The following SORBS2 variants were observed in gnomAD, a reference collection of about 807,000 sequenced individuals.
The protein encoded by SORBS2 is sorbin and SH3 domain-containing protein 2.
SORBS2 carries 46 observed loss-of-function variants against 97.7 expected under a neutral mutation model. The ratio of observed to expected loss-of-function variants is 0.47; its 90% confidence interval spans 0.37 to 0.60. The LOEUF is 0.60. Among genes scored for constraint, SORBS2 ranks in the 20% least tolerant of loss-of-function variants. The pLI, the probability that SORBS2 is intolerant of heterozygous loss-of-function variation, is 0.00. For missense variants in SORBS2, 1,316 were observed against 1,282.3 expected, an observed-to-expected ratio of 1.03 and a Z score of -0.40; for synonymous variants, 476 against 473.4, an observed-to-expected ratio of 1.01 and a Z score of -0.07.
At chr4:185,875,001 G>A (rs1260875530) in intron 1 of SORBS2, among the ~76,000 whole-genome samples, 14 of 152,016 alleles carry the variant, frequency 9.2e-5, no homozygotes, top group Admixed American at 2.6e-4. Flanking sequence ...CCTCATGAAA[G>A]TATAGGGGTG....
At chr4:185,792,756 A>C (rs1325301422) in intron 1 of SORBS2, among the ~76,000 whole-genome samples, 4 of 152,198 alleles carry the variant, frequency 2.6e-5, no homozygotes, top group Non-Finnish European at 4.4e-5. Flanking sequence ...GCCCATGAGC[A>C]AAAAATACAG....
At chr4:185,783,522 G>A (rs1328867824) in intron 1 of SORBS2, among the ~76,000 whole-genome samples, 1 of 152,200 alleles carries the variant, frequency 6.6e-6, no homozygotes, top group African/African-American at 2.4e-5. Flanking sequence ...TTATAGAGAA[G>A]TCTGGAAGGG....
intron 2 of SORBS2, among the ~76,000 whole-genome samples, chr4:185,651,014 T>C (rs1581831482): frequency 1.3e-5 from 2 of 151,900 alleles, no homozygotes; most frequent in Admixed American, 6.6e-5. Flanking sequence ...CCAAGTGAGG[T>C]TGCAGCTGCT....
intron 12 of SORBS2, among the ~76,000 whole-genome samples, chr4:185,605,084 TTATC>T (rs2096375572): frequency 6.6e-6 from 1 of 152,312 alleles, no homozygotes; most frequent in East Asian, 1.9e-4. Context: ...TTGCAATGAA[TTATC>T]TATCTGTTAT....
chr4:185,682,578 C>T (rs143748883), intron 2 of SORBS2, among the ~76,000 whole-genome samples: 2 of 152,196 alleles, frequency 1.3e-5, no homozygotes, highest in South Asian at 2.1e-4. Flanking sequence ...TTAACAATAT[C>T]GAAGGCAATA....
At chr4:185,770,142 G>T (rs532810715) in intron 2 of SORBS2, among the ~76,000 whole-genome samples, 14 of 150,106 alleles carry the variant, frequency 9.3e-5, no homozygotes, top group African/African-American at 3.4e-4. Flanking sequence ...GCAGTGGCAC[G>T]ATCTCGGCTC....
At chr4:185,843,051 A>G (rs971624507) in intron 1 of SORBS2, among the ~76,000 whole-genome samples, 1 of 152,158 alleles carries the variant, frequency 6.6e-6, no homozygotes, top group Non-Finnish European at 1.5e-5. Context: ...GAGTCCGTAC[A>G]TGGGTGACAC....
intron 1 of SORBS2, among the ~76,000 whole-genome samples, chr4:185,868,649 T>A (rs904189772): frequency 5.9e-5 from 9 of 152,158 alleles, no homozygotes; most frequent in Non-Finnish European, 8.8e-5. Context: ...CCACCGGTTG[T>A]AATTTTTTTC....
At chr4:185,630,596 G>T in exon 5 of SORBS2, 1 of 1,594,148 alleles carries the variant, frequency 6.3e-7, no homozygotes, top group Non-Finnish European at 8.6e-7. Flanking sequence ...GATACAAGGA[G>T]GCCTGTTAAG....
chr4:185,731,945 A>G (rs541598278), intron 2 of SORBS2, among the ~76,000 whole-genome samples: 1 of 142,538 alleles, frequency 7.0e-6, no homozygotes, highest in Non-Finnish European at 1.5e-5. Flanking sequence ...TATACAATCA[A>G]ATCAGTGTGC....
intron 3 of SORBS2, among the ~76,000 whole-genome samples, chr4:185,647,187 G>C (rs2097221883): frequency 6.6e-6 from 1 of 152,134 alleles, no homozygotes; most frequent in Non-Finnish European, 1.5e-5. Context: ...GCACAGAAGT[G>C]TCATGTGGGT....
chr4:185,881,583 C>T (rs1011023861), intron 1 of SORBS2, among the ~76,000 whole-genome samples: 5 of 151,986 alleles, frequency 3.3e-5, no homozygotes, highest in East Asian at 1.9e-4. Flanking sequence ...GACTATAGCA[C>T]GAATTATTTT....
chr4:185,721,554 C>T (rs1386852058), intron 2 of SORBS2, among the ~76,000 whole-genome samples: 1 of 152,166 alleles, frequency 6.6e-6, no homozygotes, highest in Non-Finnish European at 1.5e-5. Context: ...GTCAGAGCCC[C>T]TCCTTTTCGT....
intron 2 of SORBS2, among the ~76,000 whole-genome samples, chr4:185,680,372 T>C (rs1412833529): frequency 6.6e-6 from 1 of 152,022 alleles, no homozygotes; most frequent in African/African-American, 2.4e-5. Context: ...ATGATGAAGA[T>C]AAAGAAAAAT....
chr4:185,639,199 G>A (rs1048111348), intron 4 of SORBS2, among the ~76,000 whole-genome samples, 164 bp from the exon 14 acceptor site: 2 of 152,190 alleles, frequency 1.3e-5, no homozygotes, highest in African/African-American at 2.4e-5. Flanking sequence ...AGCGATCCGG[G>A]CCGCTGCGAA....
chr4:185,605,971 GTACCCAGTTC>G (rs1207246882), intron 12 of SORBS2: 1 of 325,180 alleles, frequency 3.1e-6, no homozygotes, highest in African/African-American at 2.2e-5. Flanking sequence ...TGAAGATACA[GTACCCAGTTC>G]TTAAGTAGTC....
intron 1 of SORBS2, among the ~76,000 whole-genome samples, chr4:185,894,025 G>A (rs1053080697): frequency 7.9e-5 from 12 of 152,112 alleles, no homozygotes; most frequent in African/African-American, 2.9e-4. Context: ...CCCTACAGAT[G>A]CAAATCTGCC....
intron 2 of SORBS2, among the ~76,000 whole-genome samples, chr4:185,765,455 T>A (rs532002416): frequency 2.0e-5 from 3 of 152,318 alleles, no homozygotes; most frequent in Admixed American, 2.0e-4. Flanking sequence ...ACACAAATGA[T>A]TTTTAACATC....
At chr4:185,760,956 A>C (rs972669919) in intron 2 of SORBS2, among the ~76,000 whole-genome samples, 2 of 152,254 alleles carry the variant, frequency 1.3e-5, no homozygotes, top group Non-Finnish European at 2.9e-5. Context: ...TTTCAGTTAC[A>C]TAATAAAAGT....
Sources: allele counts gnomAD v4.1 joint callset (sites outside exome capture counted in the v4.1 genomes callset), GRCh38; gene constraint gnomAD v4.1.1; transcripts MANE v1.5; gene names NCBI Gene and HGNC (gene_info 2026-07-23, HGNC 2026-07-21).